Variants in NRXN3 observed in about 807,000 individuals in gnomAD.
NRXN3 encodes the protein neurexin 3, also known as neurexin III.
NRXN3 carries 32 observed loss-of-function variants against 137.6 expected under a neutral mutation model. That is an observed-to-expected ratio of 0.23 (90% CI 0.18 to 0.31). The LOEUF (loss-of-function observed/expected upper bound fraction) is 0.31. NRXN3 is among the 10% of genes least tolerant of loss of function. NRXN3 has a pLI of 1.00. For synonymous variants in NRXN3, 798 were observed against 784.5 expected (o/e 1.02, Z -0.29); for missense variants, 1,574 against 2,062.5 (o/e 0.76, Z 4.59).
intron 1 of NRXN3, among the ~76,000 whole-genome samples, chr14:78,227,182 C>T (rs944567960): frequency 6.6e-5 from 10 of 151,668 alleles, no homozygotes; most frequent in Admixed American, 1.3e-4. Context: ...TCTAACATAT[C>T]CCAGAAGCAG....
At chr14:79,818,574 A>G (rs901216273) in intron 20 of NRXN3, among the ~76,000 whole-genome samples, 1 of 152,136 alleles carries the variant, frequency 6.6e-6, no homozygotes, top group South Asian at 2.1e-4. Flanking sequence ...AACAACAACA[A>G]CAAAACGAAC....
intron 15 of NRXN3, among the ~76,000 whole-genome samples, chr14:79,215,290 A>G (rs2068302987): frequency 6.6e-6 from 1 of 152,176 alleles, no homozygotes; most frequent in Non-Finnish European, 1.5e-5. Flanking sequence ...CATATTTTTT[A>G]TAATATTTGC....
chr14:78,371,860 C>T (rs1326933995), intron 4 of NRXN3, among the ~76,000 whole-genome samples: 1 of 152,180 alleles, frequency 6.6e-6, no homozygotes, highest in Non-Finnish European at 1.5e-5. Context: ...TGTTCTAAGC[C>T]ATAATTTATG....
chr14:78,518,808 A>G (rs1032598790), intron 4 of NRXN3, among the ~76,000 whole-genome samples: 7 of 152,098 alleles, frequency 4.6e-5, no homozygotes, highest in African/African-American at 1.7e-4. Flanking sequence ...AAGTTTTCCT[A>G]CACCAAAGCA....
chr14:79,742,389 T>C (rs1045654677), intron 19 of NRXN3, among the ~76,000 whole-genome samples: 3 of 152,206 alleles, frequency 2.0e-5, no homozygotes, highest in Admixed American at 1.3e-4. Flanking sequence ...CTCCTTGTAC[T>C]GAATGAGGTA....
intron 19 of NRXN3, among the ~76,000 whole-genome samples, chr14:79,800,289 G>A (rs1021120687): frequency 6.6e-6 from 1 of 152,188 alleles, no homozygotes; most frequent in South Asian, 2.1e-4. Context: ...CTGGAGGAGC[G>A]TGGATGGTGG....
intron 19 of NRXN3, among the ~76,000 whole-genome samples, chr14:79,744,605 G>A (rs762938826): frequency 4.6e-5 from 7 of 152,170 alleles, no homozygotes; most frequent in Non-Finnish European, 1.0e-4. Flanking sequence ...CTTCTAGGAA[G>A]ACAGGATGGT....
At chr14:78,812,084 TG>T (rs1288035898) in intron 10 of NRXN3, among the ~76,000 whole-genome samples, 1 of 152,202 alleles carries the variant, frequency 6.6e-6, no homozygotes, top group Admixed American at 6.5e-5. Flanking sequence ...AGTTTAAGGA[TG>T]ATAATTAAAC....
chr14:79,766,863 A>T (rs2099057775), intron 19 of NRXN3, among the ~76,000 whole-genome samples: 1 of 152,184 alleles, frequency 6.6e-6, no homozygotes, highest in African/African-American at 2.4e-5. Context: ...TGGTGAACCT[A>T]CATGGTGCAT....
At chr14:79,730,569 G>A (rs2098918335) in intron 19 of NRXN3, among the ~76,000 whole-genome samples, 1 of 152,148 alleles carries the variant, frequency 6.6e-6, no homozygotes, top group Admixed American at 6.5e-5. Flanking sequence ...GTGGAAAGAA[G>A]TTCATTATAA....
chr14:78,886,858 A>G (rs1439932991), intron 10 of NRXN3, among the ~76,000 whole-genome samples: 7 of 152,166 alleles, frequency 4.6e-5, no homozygotes, highest in African/African-American at 1.4e-4. Context: ...TCTGCACAGG[A>G]AAGACCACTT....
At chr14:78,256,705 C>A (rs2153470167) in intron 2 of NRXN3, among the ~76,000 whole-genome samples, 1 of 152,384 alleles carries the variant, frequency 6.6e-6, no homozygotes, top group South Asian at 2.1e-4. Context: ...TCCTAGGAAC[C>A]TGCATCCATG....
In NRXN3 at chr14:79,819,624, A is replaced by AAAGGCGTGAGC. The variant is rs1397476146; in HGVS notation, c.4093+14435_4093+14445dup. Among the ~76,000 whole-genome samples, 12 of 151,358 alleles carry AAAGGCGTGAGC rather than the reference A, an allele frequency of 7.9e-5. No homozygotes were observed. In the East Asian group the frequency reaches 2.2e-3, roughly 27 times the overall value. ...CTCAACCGCCTGAGTAGCTGGGACT[A>AAAGGCGTGAGC]AAGGCGTGAGCCACCACGCCCAGCT... On this transcript the variant is annotated intron_variant, in intron 20 of 20. Transcript: ENST00000335750.
intron 15 of NRXN3, among the ~76,000 whole-genome samples, chr14:79,327,843 A>T (rs1419208631): frequency 6.6e-6 from 1 of 152,220 alleles, no homozygotes; most frequent in Non-Finnish European, 1.5e-5. Context: ...TGGTTGCCTA[A>T]AATGATATGT....
chr14:79,558,389 G>A (rs1453164433), intron 16 of NRXN3, among the ~76,000 whole-genome samples: 7 of 152,086 alleles, frequency 4.6e-5, no homozygotes, highest in African/African-American at 1.7e-4. Context: ...TGCATGATAA[G>A]ACATGAAAGT....
At chr14:78,808,816 TG>T (rs1018110377) in intron 9 of NRXN3, among the ~76,000 whole-genome samples, 8 of 152,304 alleles carry the variant, frequency 5.3e-5, no homozygotes, top group African/African-American at 1.9e-4. Flanking sequence ...CCTTTATTCT[TG>T]CTCCTTTAAA....
intron 15 of NRXN3, among the ~76,000 whole-genome samples, chr14:79,360,505 A>G (rs141931971): frequency 7.0e-4 from 107 of 152,320 alleles, no homozygotes; most frequent in Non-Finnish European, 1.5e-3. Context: ...ACTATGTGCC[A>G]ATGTTAAAGA....
chr14:78,897,328 A>G (rs1387390872), intron 10 of NRXN3, among the ~76,000 whole-genome samples: 4 of 151,958 alleles, frequency 2.6e-5, no homozygotes. Flanking sequence ...AAGACATCAC[A>G]GTAACAGTAG....
chr14:78,564,892 G>T (rs149841944), intron 4 of NRXN3, among the ~76,000 whole-genome samples: 88 of 152,228 alleles, frequency 5.8e-4, no homozygotes, highest in African/African-American at 1.9e-3. Flanking sequence ...TCAGGGATCA[G>T]ATTATGTTCC....
Sources: allele counts gnomAD v4.1 joint callset (sites outside exome capture counted in the v4.1 genomes callset), GRCh38; gene constraint gnomAD v4.1.1; transcripts MANE v1.5; gene names NCBI Gene and HGNC (gene_info 2026-07-23, HGNC 2026-07-21).